The following PARD3 variants were observed in gnomAD, a reference collection of about 807,000 sequenced individuals.
PARD3 encodes par-3 family cell polarity regulator, also known as partitioning defective 3 homolog.
PARD3 carries 75 observed loss-of-function variants against 155.4 expected under a neutral mutation model. That is an observed-to-expected ratio of 0.48 (90% confidence interval 0.40 to 0.58). The LOEUF (loss-of-function observed/expected upper bound fraction) is 0.58. Ranked by LOEUF, PARD3 falls within the 20% of genes least tolerant of loss-of-function variation. The pLI is 0.00. For synonymous variants in PARD3, 576 were observed against 610.5 expected, an observed-to-expected ratio of 0.94 and a Z score of 0.83; for missense variants, 1,642 against 1,721.7, an observed-to-expected ratio of 0.95 and a Z score of 0.82.
intron 9 of PARD3, among the ~76,000 whole-genome samples, chr10:34,378,335 C>T (rs1292297165): frequency 6.6e-6 from 1 of 152,176 alleles, no homozygotes; most frequent in African/African-American, 2.4e-5. Context: ...AAACAGCAAT[C>T]TTCTCAAAGA....
intron 1 of PARD3, among the ~76,000 whole-genome samples, chr10:34,793,485 T>C (rs1387672441): frequency 6.6e-6 from 1 of 152,168 alleles, no homozygotes; most frequent in Non-Finnish European, 1.5e-5. Flanking sequence ...AAGCCATCCT[T>C]AGAAAGTTTA....
At chr10:34,304,727 A>G (rs1957319594) in intron 20 of PARD3, among the ~76,000 whole-genome samples, 1 of 152,250 alleles carries the variant, frequency 6.6e-6, no homozygotes, top group African/African-American at 2.4e-5. Context: ...TTCATAAAAC[A>G]GGGCTAAAAT....
rs58877037 is a variant in PARD3 at position 34,482,032 on chromosome 10, C to CTTTTTTT, written c.404-11776_404-11770dup. 1.1e-3 allele frequency among the ~76,000 whole-genome samples: 114 copies of CTTTTTTT among 101,570 alleles called. 9 individuals carry two copies. Among genetic ancestry groups the CTTTTTTT allele is most frequent in the African/African-American group, 5.2e-3 (106 of 20,432 alleles). 66.6% of individuals were successfully genotyped at this position (101,570 alleles called of 152,430 possible). ...ACCACTGTGCCCTGCTAATTTTTAT[C>CTTTTTTT]TTTTTTTTTTTTTTTTTTTTGAAGC... On this transcript the variant is annotated intron_variant, in intron 3 of 24. Coordinates refer to ENST00000374788, the MANE Select transcript of PARD3 (RefSeq NM_001184785.2).
At chr10:34,600,548 T>C (rs886320983) in intron 2 of PARD3, among the ~76,000 whole-genome samples, 2 of 152,026 alleles carry the variant, frequency 1.3e-5, no homozygotes, top group Non-Finnish European at 2.9e-5. Context: ...GAAAGGGACA[T>C]GTTCAGAGCA....
At chr10:34,722,873 A>G (rs920851596) in intron 1 of PARD3, among the ~76,000 whole-genome samples, 3 of 152,172 alleles carry the variant, frequency 2.0e-5, no homozygotes, top group Middle Eastern at 3.2e-3. Context: ...TAACTATCTG[A>G]TATCTAAGAT....
intron 22 of PARD3, among the ~76,000 whole-genome samples, chr10:34,170,295 C>T (rs576868862): frequency 6.6e-6 from 1 of 152,268 alleles, no homozygotes; most frequent in Non-Finnish European, 1.5e-5. Context: ...CTATGCTGCC[C>T]AGGCTGGTCT....
Position 34,413,142 on chromosome 10 carries a change from T to TAC in PARD3, c.715-11226_715-11225insGT, listed in dbSNP as rs1336586740. Among the ~76,000 whole-genome samples, 404 of 132,542 alleles carry TAC rather than the reference T, an allele frequency of 3.0e-3. 9 individuals carry two copies. Among genetic ancestry groups the TAC allele is most frequent in the Admixed American group, 0.024 (302 of 12,542 alleles). 87.0% of individuals were successfully genotyped at this position (132,542 alleles called of 152,430 possible). A position where few individuals can be genotyped will look rare whatever the true frequency, so the allele number is the denominator to read the frequency against. ...AACATTAGGCAGTACTTCAGATATA[T>TAC]ATACACACACACACACACACACACA... is the stretch of plus-strand genomic sequence containing the variant. On this transcript the variant is annotated intron_variant, in intron 5 of 24. Coordinates refer to ENST00000374788, the MANE Select transcript of PARD3 (RefSeq NM_001184785.2).
intron 4 of PARD3, among the ~76,000 whole-genome samples, chr10:34,460,276 T>A (rs1056238283): frequency 2.6e-5 from 4 of 152,192 alleles, no homozygotes; most frequent in East Asian, 3.9e-4. Context: ...GGAATTTGAG[T>A]AACGTCTATT....
At chr10:34,308,748 G>A (rs1290000191) in intron 20 of PARD3, among the ~76,000 whole-genome samples, 1 of 152,160 alleles carries the variant, frequency 6.6e-6, no homozygotes, top group African/African-American at 2.4e-5. Context: ...AGAGTCATCT[G>A]CCTATAGGCT....
chr10:34,544,742 G>T (rs1197496422), intron 2 of PARD3, among the ~76,000 whole-genome samples: 8 of 152,138 alleles, frequency 5.3e-5, no homozygotes, highest in Non-Finnish European at 1.2e-4. Context: ...CAAGAACAAA[G>T]AAAAACTACA....
rs765635864 is a variant in PARD3, at chr10:34,573,261, T to C, written c.223-56102A>G. Among the ~76,000 whole-genome samples the C allele has an allele frequency of 3.6e-4, 55 of 151,828 alleles. 1 individual carries two copies. The highest frequency in any genetic ancestry group is 8.8e-5 in the Non-Finnish European group (6 of 67,970). ...GTCCCAGCTACTCAAGAGGCTGAGG[T>C]TGGAGGATCACCTGAGCCCAGGAGG... is the stretch of plus-strand genomic sequence containing the variant. On this transcript the variant is annotated intron_variant, in intron 2 of 24. Transcript: ENST00000374788.
At chr10:34,733,306 G>C (rs1228386050) in intron 1 of PARD3, among the ~76,000 whole-genome samples, 1 of 152,110 alleles carries the variant, frequency 6.6e-6, no homozygotes, top group Non-Finnish European at 1.5e-5. Flanking sequence ...GTGACTATTA[G>C]AATGTGTTGA....
intron 4 of PARD3, among the ~76,000 whole-genome samples, chr10:34,451,778 T>TG (rs1419956340): frequency 6.6e-6 from 1 of 151,384 alleles, no homozygotes; most frequent in Non-Finnish European, 1.5e-5. Flanking sequence ...AGCAAGTTTT[T>TG]TTTTTTTTTT....
chr10:34,718,756 A>G (rs1292994938), intron 1 of PARD3, among the ~76,000 whole-genome samples: 1 of 152,204 alleles, frequency 6.6e-6, no homozygotes, highest in Non-Finnish European at 1.5e-5. Flanking sequence ...TGAGGTCAGG[A>G]GTTCGAGACC....
At chr10:34,128,670 C>T (rs1947424365) in intron 23 of PARD3, among the ~76,000 whole-genome samples, 1 of 152,130 alleles carries the variant, frequency 6.6e-6, no homozygotes, top group Non-Finnish European at 1.5e-5. Context: ...TCCTCTTTGC[C>T]TTTGCTCCAC....
chr10:34,254,377 TCAAAAACAAAAACAAAAA>T (rs142761750), intron 22 of PARD3, among the ~76,000 whole-genome samples: 18,866 of 142,978 alleles, frequency 0.13, 3,223 homozygotes, highest in African/African-American at 0.39. Context: ...AGACTCTGTC[TCAAAAACAAAAACAAAAA>T]CAAAAACAAA....
At chr10:34,384,072 T>A in intron 8 of PARD3, 57 bp downstream of exon 8, 1 of 1,554,268 alleles carries the variant, frequency 6.4e-7, no homozygotes, top group Non-Finnish European at 8.8e-7. Context: ...TTCAACTGAC[T>A]GCACTCTGTC....
rs140865299 is a variant in PARD3 at position 34,486,993 on chromosome 10, C to T, written c.404-16730G>A. Among the ~76,000 whole-genome samples, 9 of 152,198 alleles carry T rather than the reference C, an allele frequency of 5.9e-5. No individual in the cohort carries two copies. The East Asian group carries it at 1.7e-3, about 29-fold the overall frequency. ...CTGGCCGTCTCCAAGTCATCCTCTA[C>T]AAAGCACTCATGATACCTTTTGTAA... On this transcript the variant is annotated intron_variant, in intron 3 of 24. Transcript: ENST00000374788.
At chr10:34,142,359 T>A (rs1015771559) in intron 22 of PARD3, among the ~76,000 whole-genome samples, 4 of 151,328 alleles carry the variant, frequency 2.6e-5, no homozygotes, top group Non-Finnish European at 4.4e-5. Context: ...CTGGGCAACA[T>A]CGCAAGACCC....
Sources: gnomAD v4.1 joint callset for allele counts (sites outside exome capture counted in the v4.1 genomes callset) on GRCh38, gnomAD v4.1.1 for gene constraint, MANE v1.5 for transcripts, NCBI Gene and HGNC (gene_info 2026-07-23, HGNC 2026-07-21) for gene names.